The following VSIG1 variants were observed in gnomAD, a reference collection of about 807,000 sequenced individuals.
The protein encoded by VSIG1 is V-set and immunoglobulin domain containing 1, also known as V-set and immunoglobulin domain-containing protein 1.
Under a neutral mutation model 20.1 loss-of-function variants are expected in VSIG1, and 11 were observed. The ratio of observed to expected loss-of-function variants is 0.55; its 90% CI spans 0.34 to 0.91. The LOEUF is 0.91. Ranked by LOEUF, VSIG1 falls within the 40% of genes least tolerant of loss-of-function variation. VSIG1 has a pLI of 0.02. For missense variants in VSIG1, 283 were observed against 298.8 expected (o/e 0.95, Z 0.39); for synonymous variants, 126 against 116.7 (o/e 1.08, Z -0.52).
At chrX:108,048,865 A>G (rs1192995981) in intron 1 of VSIG1, among the ~76,000 whole-genome samples, 2 of 112,585 alleles carry the variant, frequency 1.8e-5, no homozygotes, top group Non-Finnish European at 1.9e-5. Context: ...GAACATTTCC[A>G]TCATCACAGG....
the VSIG1 span, among the ~76,000 whole-genome samples, chrX:108,035,037 G>A: frequency 8.9e-6 from 1 of 112,185 alleles, no homozygotes; most frequent in Non-Finnish European, 1.9e-5. Flanking sequence ...TGCCATCTTT[G>A]TCATTTTTTC....
intron 1 of VSIG1, among the ~76,000 whole-genome samples, chrX:108,052,418 G>A (rs1356504421): frequency 9.0e-6 from 1 of 110,900 alleles, no homozygotes; most frequent in Non-Finnish European, 1.9e-5. Context: ...GGGCCACGTG[G>A]TGAAACCCTA....
At chrX:108,034,089 T>C in the VSIG1 span, among the ~76,000 whole-genome samples, 1 of 109,740 alleles carries the variant, frequency 9.1e-6, no homozygotes, top group East Asian at 2.9e-4. Flanking sequence ...ATTGTGGGAG[T>C]CCTAAGTCCT....
At chrX:108,063,493 G>C (rs1001249745) in intron 2 of VSIG1, among the ~76,000 whole-genome samples, 2 of 111,072 alleles carry the variant, frequency 1.8e-5, no homozygotes, top group South Asian at 3.8e-4. Context: ...CAGTCGGCCT[G>C]CCCAGTATTT....
chrX:108,024,430 T>A, the VSIG1 span, among the ~76,000 whole-genome samples: 4 of 110,072 alleles, frequency 3.6e-5, no homozygotes, highest in Admixed American at 9.8e-5. Flanking sequence ...TGTTTTCTGT[T>A]CGCTATCTCA....
intron 2 of VSIG1, among the ~76,000 whole-genome samples, chrX:108,058,695 T>C (rs2030961077): frequency 9.0e-6 from 1 of 111,271 alleles, no homozygotes; most frequent in Admixed American, 9.6e-5. Context: ...AGAAGGGCCA[T>C]AGTAGTGATG....
chrX:108,036,079 A>C, the VSIG1 span, among the ~76,000 whole-genome samples: 8 of 98,120 alleles, frequency 8.2e-5, no homozygotes, highest in Non-Finnish European at 1.6e-4. Flanking sequence ...TGTCATCAGC[A>C]TTTCGTAGCT....
the VSIG1 span, among the ~76,000 whole-genome samples, chrX:108,036,748 G>A: frequency 3.6e-5 from 4 of 112,044 alleles, no homozygotes; most frequent in African/African-American, 1.3e-4. Context: ...GCCTTACTGA[G>A]ATCCACTTCT....
chrX:108,061,049 A>C (rs1423596539), intron 2 of VSIG1, among the ~76,000 whole-genome samples: 1 of 112,401 alleles, frequency 8.9e-6, no homozygotes, highest in African/African-American at 3.2e-5. Context: ...CTGTGGCTAA[A>C]GGGAGGGCCC....
the VSIG1 span, among the ~76,000 whole-genome samples, chrX:108,024,041 C>G: frequency 1.8e-5 from 2 of 111,630 alleles, no homozygotes; most frequent in African/African-American, 6.5e-5. Context: ...ATGTTGATAA[C>G]TTGGCCATTA....
the VSIG1 span, among the ~76,000 whole-genome samples, chrX:108,028,469 G>A: frequency 1.3e-4 from 15 of 111,664 alleles, no homozygotes; most frequent in African/African-American, 4.9e-4. Context: ...CTTACTATCT[G>A]ATCAAGGCAG....
At chrX:108,056,510 A>G (rs2030901569) in intron 1 of VSIG1, among the ~76,000 whole-genome samples, 1 of 112,503 alleles carries the variant, frequency 8.9e-6, no homozygotes, top group African/African-American at 3.2e-5. Context: ...CATCTAGATT[A>G]TATAGAGAAC....
At chrX:108,076,250 T>C (rs747064656) in intron 6 of VSIG1, 32 bp downstream of exon 6, 13 of 1,189,356 alleles carry the variant, frequency 1.1e-5, no homozygotes, top group Non-Finnish European at 1.5e-5. Context: ...TTTACTTGAA[T>C]ACAAACATTT....
chrX:108,020,854 A>T, the VSIG1 span, among the ~76,000 whole-genome samples: 5 of 111,613 alleles, frequency 4.5e-5, no homozygotes, highest in Non-Finnish European at 1.9e-5. Context: ...TCAGGGGTTC[A>T]TGCCTGGAGA....
intron 2 of VSIG1, among the ~76,000 whole-genome samples, chrX:108,062,819 G>A (rs1231171560): frequency 8.9e-6 from 1 of 112,056 alleles, no homozygotes; most frequent in Admixed American, 9.4e-5. Flanking sequence ...AAAGCAAGAA[G>A]CTGGAAAGGA....
intron 1 of VSIG1, among the ~76,000 whole-genome samples, chrX:108,047,991 TATATATATATAC>T: frequency 1.4e-5 from 1 of 71,699 alleles, no homozygotes; most frequent in Admixed American, 1.7e-4. Flanking sequence ...TATATATATA[TATATATATATAC>T]ACATATATAT....
intron 2 of VSIG1, among the ~76,000 whole-genome samples, chrX:108,061,774 A>G (rs12009241): frequency 1.5e-4 from 16 of 110,197 alleles, no homozygotes; most frequent in African/African-American, 4.0e-4. Flanking sequence ...GGCAGTGGCC[A>G]GCTCTTTCCA....
At chrX:108,052,980 C>T (rs1478914312) in intron 1 of VSIG1, among the ~76,000 whole-genome samples, 1 of 110,293 alleles carries the variant, frequency 9.1e-6, no homozygotes, top group Non-Finnish European at 1.9e-5. Flanking sequence ...AATAAAATAA[C>T]AAAAATGAAA....
the VSIG1 span, among the ~76,000 whole-genome samples, chrX:108,029,153 T>C: frequency 1.1e-4 from 12 of 112,540 alleles, no homozygotes; most frequent in Admixed American, 9.4e-4. Context: ...CAACATTTCA[T>C]GGGACATACT....
Sources: allele counts gnomAD v4.1 joint callset (sites outside exome capture counted in the v4.1 genomes callset), GRCh38; gene constraint gnomAD v4.1.1; transcripts MANE v1.5; gene names NCBI Gene and HGNC (gene_info 2026-07-23, HGNC 2026-07-21).